GABRB2: variants seen among roughly 807,000 people sequenced by gnomAD.
The protein encoded by GABRB2 is gamma-aminobutyric acid type A receptor subunit beta2.
GABRB2 carries 16 observed loss-of-function variants against 54.7 expected under a neutral mutation model. That is an observed-to-expected ratio of 0.29 (90% CI 0.20 to 0.44). The LOEUF is 0.44. GABRB2 is among the 20% of genes least tolerant of loss of function. The pLI, the probability that GABRB2 is intolerant of heterozygous loss-of-function variation, is 1.00. For missense variants in GABRB2, 355 were observed against 644.0 expected, an observed-to-expected ratio of 0.55 and a Z score of 4.86; for synonymous variants, 244 against 233.8, an observed-to-expected ratio of 1.04 and a Z score of -0.40.
intron 5 of GABRB2, among the ~76,000 whole-genome samples, chr5:161,378,798 G>A (rs749278546): frequency 2.0e-5 from 3 of 152,166 alleles, no homozygotes; most frequent in Admixed American, 1.3e-4. Flanking sequence ...TATTTGAAAA[G>A]TGGCATCTTA....
At chr5:161,354,200 C>G (rs1020045640) in intron 5 of GABRB2, among the ~76,000 whole-genome samples, 1 of 151,918 alleles carries the variant, frequency 6.6e-6, no homozygotes, top group African/African-American at 2.4e-5. Context: ...GAGGTTGGAC[C>G]TAGGAGCCTA....
intron 3 of GABRB2, among the ~76,000 whole-genome samples, chr5:161,530,704 T>C (rs750590930): frequency 5.3e-5 from 8 of 152,144 alleles, no homozygotes; most frequent in Non-Finnish European, 8.8e-5. Flanking sequence ...TACAGCTCTT[T>C]CCTCTGAAAA....
intron 4 of GABRB2, among the ~76,000 whole-genome samples, chr5:161,423,955 T>C (rs1291932222): frequency 6.6e-6 from 1 of 152,086 alleles, no homozygotes; most frequent in Admixed American, 6.6e-5. Flanking sequence ...GGATGGAAGA[T>C]CAAATCATCC....
At chr5:161,349,689 C>T (rs1342684728) in intron 5 of GABRB2, among the ~76,000 whole-genome samples, 3 of 152,068 alleles carry the variant, frequency 2.0e-5, no homozygotes, top group East Asian at 1.9e-4. Flanking sequence ...CATGGAGAGA[C>T]TCGCATGGTG....
At chr5:161,475,832 C>T (rs1428326471) in intron 3 of GABRB2, among the ~76,000 whole-genome samples, 1 of 151,842 alleles carries the variant, frequency 6.6e-6, no homozygotes, top group Admixed American at 6.6e-5. Context: ...ACAAAATGTC[C>T]ATAGCTAATA....
At chr5:161,314,689 C>G (rs72813511) in intron 9 of GABRB2, among the ~76,000 whole-genome samples, 9,737 of 151,940 alleles carry the variant, frequency 0.064, 395 homozygotes, top group Middle Eastern at 0.071. Context: ...CTCTCTCCCC[C>G]CTCTTTCTGC....
intron 4 of GABRB2, among the ~76,000 whole-genome samples, chr5:161,439,279 G>C (rs1053468607): frequency 2.6e-5 from 4 of 152,112 alleles, no homozygotes; most frequent in African/African-American, 9.7e-5. Flanking sequence ...TAACTTTTAG[G>C]CTAAAATTGT....
intron 3 of GABRB2, among the ~76,000 whole-genome samples, chr5:161,464,443 C>T (rs1758217113): frequency 6.6e-6 from 1 of 152,092 alleles, no homozygotes; most frequent in South Asian, 2.1e-4. Flanking sequence ...AAACAACTGA[C>T]AATTCCGAGT....
intron 5 of GABRB2, among the ~76,000 whole-genome samples, chr5:161,350,322 G>A (rs1465981176): frequency 1.3e-5 from 2 of 151,946 alleles, no homozygotes; most frequent in African/African-American, 2.4e-5. Flanking sequence ...ATTTTTTAGA[G>A]CTAATACACA....
chr5:161,383,049 T>A (rs1356699358), intron 5 of GABRB2, among the ~76,000 whole-genome samples: 1 of 152,206 alleles, frequency 6.6e-6, no homozygotes, highest in Non-Finnish European at 1.5e-5. Context: ...TTGTTTTCCC[T>A]TTTTTCTTAA....
intron 5 of GABRB2, among the ~76,000 whole-genome samples, chr5:161,351,150 T>C (rs990094724): frequency 1.3e-5 from 2 of 152,158 alleles, no homozygotes; most frequent in Non-Finnish European, 2.9e-5. Context: ...TTAAATGCAC[T>C]CCTTATCAAA....
In GABRB2 at chr5:161,291,813, C is replaced by G. The variant is rs905848564; in HGVS notation, c.*2268G>C. 1 of 152,494 alleles carries G rather than the reference C, an allele frequency of 6.6e-6. No homozygotes were observed. Among genetic ancestry groups the G allele is most frequent in the Non-Finnish European group, 1.5e-5 (1 of 68,018 alleles). The allele number at this position is 152,494 out of a possible 1,614,324, so 9.4% of individuals were successfully genotyped here. On this transcript the variant is annotated 3_prime_UTR_variant, in exon 10 of 10. Transcript: ENST00000393959. ...GGGCTCTGAGTTGACTCTAGAAGAG[C>G]CTTTTCAGAATGGCATTTTGGAGTT...
chr5:161,418,570 G>A (rs1402302353), intron 4 of GABRB2, among the ~76,000 whole-genome samples: 1 of 152,114 alleles, frequency 6.6e-6, no homozygotes, highest in Non-Finnish European at 1.5e-5. Context: ...AACTCTTCTT[G>A]ACCCTTGATC....
chr5:161,412,875 T>G (rs932825468), intron 4 of GABRB2, among the ~76,000 whole-genome samples: 5 of 152,194 alleles, frequency 3.3e-5, no homozygotes, highest in Non-Finnish European at 5.9e-5. Flanking sequence ...CTTCAAGCAG[T>G]CACCAAAATC....
intron 5 of GABRB2, among the ~76,000 whole-genome samples, chr5:161,365,064 A>G (rs1754934698): frequency 6.6e-6 from 1 of 152,188 alleles, no homozygotes; most frequent in Non-Finnish European, 1.5e-5. Flanking sequence ...AGTGGTACTG[A>G]GAAAGGCTCA....
intron 5 of GABRB2, among the ~76,000 whole-genome samples, chr5:161,355,885 GC>G (rs2113442911): frequency 6.6e-6 from 1 of 152,196 alleles, no homozygotes; most frequent in Non-Finnish European, 1.5e-5. Flanking sequence ...TATTATTCAT[GC>G]AAAAGATTTT....
chr5:161,367,564 C>T (rs1755006727), intron 5 of GABRB2, among the ~76,000 whole-genome samples: 1 of 152,136 alleles, frequency 6.6e-6, no homozygotes, highest in African/African-American at 2.4e-5. Flanking sequence ...CCAATTTGCA[C>T]TTTAGAATTT....
Position 161,336,768 on chromosome 5 carries a change from A to C in GABRB2, c.543T>G (p.Tyr181Ter). The change falls in exon 6 of 10, where the codon TAT becomes TAG. Residue 181 changes from tyrosine (Y) to a stop codon, truncating the protein, a stop_gained and splice_region_variant. Transcript: ENST00000393959. LOFTEE classifies it high-confidence loss of function. Reference sequence around the variant, plus strand: ...ACTCAATGTCATCAGTTGTGTATCCATCTGTGAAAGGAAACATACACACAC... The same window carrying C: ...ACTCAATGTCATCAGTTGTGTATCCCTCTGTGAAAGGAAACATACACACAC... ...EQNCTLEIES[Y>*]GYTTDDIEFY... 2 of 1,611,436 alleles carry C rather than the reference A, an allele frequency of 1.2e-6. No individual in the cohort carries two copies. Among genetic ancestry groups the C allele is most frequent in the Non-Finnish European group, 1.7e-6 (2 of 1,179,194 alleles).
intron 5 of GABRB2, among the ~76,000 whole-genome samples, chr5:161,409,579 C>CA (rs1381961277): frequency 3.9e-5 from 6 of 151,936 alleles, no homozygotes; most frequent in Admixed American, 6.6e-5. Flanking sequence ...AATTTTCCCA[C>CA]AAAAAAATGC....
Sources: gnomAD v4.1 joint callset for allele counts (sites outside exome capture counted in the v4.1 genomes callset) on GRCh38, gnomAD v4.1.1 for gene constraint, MANE v1.5 for transcripts, NCBI Gene and HGNC (gene_info 2026-07-23, HGNC 2026-07-21) for gene names.